Variants in DMXL2 observed in about 807,000 individuals in gnomAD.
DMXL2 encodes the protein dmX-like protein 2.
DMXL2 carries 103 observed loss-of-function variants against 331.1 expected under a neutral mutation model. That is an observed-to-expected ratio of 0.31 (90% confidence interval 0.27 to 0.37). The LOEUF (loss-of-function observed/expected upper bound fraction) is 0.37. DMXL2 is among the 10% of genes least tolerant of loss of function. The probability of loss-of-function intolerance (pLI) is 1.00; values close to 1 mark genes in which losing one functional copy is unlikely to be tolerated. For synonymous variants in DMXL2, 1,281 were observed against 1,252.1 expected, an observed-to-expected ratio of 1.02 and a Z score of -0.49; for missense variants, 3,171 against 3,642.9, an observed-to-expected ratio of 0.87 and a Z score of 3.33.
chr15:51,542,445 A>C lies in DMXL2; in HGVS notation c.993T>G (p.His331Gln). ...CTGTCTGGTCGGGCATTAATTCAGC[A>C]TGAGTTACAAGAACAGATGACCTCC... ...GQRRSSVLVT[H>Q]AELMPDQTAM... is the part of the protein sequence containing the mutation. Residue 331 changes from histidine to glutamine, a missense_variant, in exon 9 of 44, where the codon CAT (histidine) becomes CAG (glutamine). His to Gln is a conservative substitution (Grantham distance 24). Transcript: ENST00000560891. The C allele has an allele frequency of 6.2e-7, 1 of 1,613,836 alleles. No individual in the cohort carries two copies. The highest frequency in any genetic ancestry group is 8.5e-7 in the Non-Finnish European group (1 of 1,179,820).
At chr15:51,473,949 G>T (rs531699434) in intron 28 of DMXL2, among the ~76,000 whole-genome samples, 2 of 151,590 alleles carry the variant, frequency 1.3e-5, no homozygotes, top group African/African-American at 4.8e-5. Flanking sequence ...TAAAGATTTT[G>T]AACACTTACT....
chr15:51,578,464 C>T lies in DMXL2; in HGVS notation c.88-2283G>A, dbSNP rs186880990. On this transcript the variant is annotated intron_variant, in intron 1 of 43. Transcript: ENST00000560891. ...CCTGATGTTTTCCAGAGAATGTGTA[C>T]TATACTCCATTTTTCTGATCCGGCA... Among the ~76,000 whole-genome samples, 11 of 152,232 alleles carry T rather than the reference C, an allele frequency of 7.2e-5. No individual in the cohort carries two copies. The East Asian group carries it at 2.1e-3, about 29-fold the overall frequency.
At chr15:51,513,015 A>G (rs2046846285) in intron 15 of DMXL2, among the ~76,000 whole-genome samples, 1 of 152,144 alleles carries the variant, frequency 6.6e-6, no homozygotes, top group Non-Finnish European at 1.5e-5. Context: ...AATAAAGCAG[A>G]GGCAGAGAAG....
At chr15:51,513,088 C>T (rs762775518) in intron 15 of DMXL2, among the ~76,000 whole-genome samples, 6 of 152,086 alleles carry the variant, frequency 3.9e-5, no homozygotes, top group Non-Finnish European at 7.4e-5. Flanking sequence ...AGAGAAATTT[C>T]ACACAAAAAC....
intron 6 of DMXL2, among the ~76,000 whole-genome samples, chr15:51,551,947 C>G (rs761468585): frequency 1.3e-5 from 2 of 152,128 alleles, no homozygotes; most frequent in South Asian, 4.1e-4. Flanking sequence ...CCTGGGAGAT[C>G]AGAGGATTTC....
chr15:51,447,883 T>G lies in DMXL2; in HGVS notation c.*1101A>C, dbSNP rs1275074791. 6.5e-6 allele frequency: 1 copy of G among 152,700 alleles called. No homozygotes were observed. Among genetic ancestry groups the G allele is most frequent in the Non-Finnish European group, 1.5e-5 (1 of 68,048 alleles). The allele number at this position is 152,700 out of a possible 1,614,324, so 9.5% of individuals were successfully genotyped here. On this transcript the variant is annotated 3_prime_UTR_variant, in exon 44 of 44. Transcript: ENST00000560891. ...AAAGTTACTTTTATGCCATTGTATTTACTATTTACCACACAGGCATTGAAC... is the reference window on the plus strand; with the variant it reads ...AAAGTTACTTTTATGCCATTGTATTGACTATTTACCACACAGGCATTGAAC...
intron 1 of DMXL2, among the ~76,000 whole-genome samples, chr15:51,620,706 T>A (rs2054570748): frequency 6.6e-6 from 1 of 152,154 alleles, no homozygotes; most frequent in African/African-American, 2.4e-5. Flanking sequence ...TGGTTAAGGA[T>A]ATGAAAAGGA....
At chr15:51,467,749 C>T (rs2040718237) in intron 29 of DMXL2, among the ~76,000 whole-genome samples, 2 of 141,548 alleles carry the variant, frequency 1.4e-5, no homozygotes, top group Non-Finnish European at 3.0e-5. Context: ...TTTTTTGAGA[C>T]GGAGTCTCAC....
chr15:51,460,246 G>GA, intron 33 of DMXL2: 1 of 985,594 alleles, frequency 1.0e-6, no homozygotes, highest in Non-Finnish European at 1.2e-6. Flanking sequence ...CTCTGCTGTG[G>GA]AAACTCTGAA....
intron 6 of DMXL2, among the ~76,000 whole-genome samples, chr15:51,561,385 G>A (rs1012419740): frequency 6.6e-6 from 1 of 152,146 alleles, no homozygotes; most frequent in African/African-American, 2.4e-5. Context: ...GTGGCTGTGA[G>A]TTACTCATTG....
chr15:51,460,544 G>T, intron 33 of DMXL2: 1 of 161,062 alleles, frequency 6.2e-6, no homozygotes, highest in Non-Finnish European at 1.2e-5. Flanking sequence ...AATATCTTCA[G>T]TGAATAAAAG....
chr15:51,461,183 G>A (rs961073567), intron 33 of DMXL2, among the ~76,000 whole-genome samples: 3 of 152,122 alleles, frequency 2.0e-5, no homozygotes, highest in Non-Finnish European at 4.4e-5. Context: ...GAAACATTCC[G>A]TTTATCTCTG....
chr15:51,583,313 T>A (rs2051605862), intron 1 of DMXL2, among the ~76,000 whole-genome samples: 1 of 92,252 alleles, frequency 1.1e-5, no homozygotes, highest in Non-Finnish European at 2.2e-5. Flanking sequence ...AGTGTGATAT[T>A]CCCCTTCCTG....
chr15:51,464,477 G>A (rs1029963234), intron 32 of DMXL2, among the ~76,000 whole-genome samples, 198 bp downstream of exon 32: 10 of 152,062 alleles, frequency 6.6e-5, no homozygotes, highest in Admixed American at 5.9e-4. Flanking sequence ...TTATGTAAAT[G>A]GAATGTCTAT....
At chr15:51,461,091 C>T (rs760601886) in intron 33 of DMXL2, among the ~76,000 whole-genome samples, 10 of 152,114 alleles carry the variant, frequency 6.6e-5, no homozygotes, top group Non-Finnish European at 1.0e-4. Context: ...TAAAAGGGTA[C>T]ATGATAAAAA....
chr15:51,535,867 A>C (rs1417092249), intron 12 of DMXL2, 83 bp from the exon 13 acceptor site: 1 of 1,451,830 alleles, frequency 6.9e-7, no homozygotes, highest in African/African-American at 1.5e-5. Flanking sequence ...ACAAGTATTC[A>C]CATTTTTTTT....
chr15:51,478,430 G>T, intron 25 of DMXL2, 83 bp from the exon 26 acceptor site: 1 of 1,196,574 alleles, frequency 8.4e-7, no homozygotes, highest in Non-Finnish European at 1.2e-6. Flanking sequence ...AAACATCCAG[G>T]AAACCTAGCA....
At chr15:51,622,208 C>G (rs1008945851) in intron 1 of DMXL2, among the ~76,000 whole-genome samples, 6 of 152,216 alleles carry the variant, frequency 3.9e-5, no homozygotes, top group Non-Finnish European at 7.4e-5. Flanking sequence ...ACCTCAGGCC[C>G]GTTTGCTTGG....
At chr15:51,542,639 T>TA in intron 8 of DMXL2, 132 bp from the exon 9 acceptor site, 1 of 624,978 alleles carries the variant, frequency 1.6e-6, no homozygotes, top group South Asian at 2.9e-5. Flanking sequence ...GGAAACTTTT[T>TA]AAATTACAGT....
Sources: allele counts gnomAD v4.1 joint callset (sites outside exome capture counted in the v4.1 genomes callset), GRCh38; gene constraint gnomAD v4.1.1; transcripts MANE v1.5; gene names NCBI Gene and HGNC (gene_info 2026-07-23, HGNC 2026-07-21).